Variants in COL5A2 observed in about 807,000 individuals in gnomAD.
The protein encoded by COL5A2 is collagen type V alpha 2 chain.
Under a neutral mutation model 208.2 loss-of-function variants are expected in COL5A2, and 23 were observed. That is an observed-to-expected ratio of 0.11 (90% CI 0.08 to 0.16). The LOEUF is 0.16. COL5A2 is among the 10% of genes least tolerant of loss of function. The probability of loss-of-function intolerance (pLI) is 1.00; values close to 1 mark genes in which losing one functional copy is unlikely to be tolerated. For synonymous variants in COL5A2, 625 were observed against 628.5 expected (o/e 0.99, Z 0.08); for missense variants, 1,590 against 1,956.4 (o/e 0.81, Z 3.53).
chr2:189,053,817 T>C (rs756947456), intron 37 of COL5A2, 78 bp downstream of exon 37: 4 of 1,236,586 alleles, frequency 3.2e-6, no homozygotes, highest in East Asian at 5.1e-5. Context: ...CATTGTTTTA[T>C]ATAAATATAA....
chr2:189,042,221 A>G (rs903283677), intron 49 of COL5A2, among the ~76,000 whole-genome samples: 1 of 152,190 alleles, frequency 6.6e-6, no homozygotes, highest in Non-Finnish European at 1.5e-5. Flanking sequence ...TATGCCATCA[A>G]TGACTTATTA....
chr2:189,357,723 C>T, the COL5A2 span, among the ~76,000 whole-genome samples: 4 of 136,420 alleles, frequency 2.9e-5, no homozygotes, highest in South Asian at 2.6e-4. Context: ...AGGGAGTGAA[C>T]GGTTCTGTCT....
the COL5A2 span, among the ~76,000 whole-genome samples, chr2:189,294,856 T>C: frequency 6.6e-6 from 1 of 152,186 alleles, no homozygotes; most frequent in African/African-American, 2.4e-5. Flanking sequence ...TGGAGTGCAG[T>C]GACACAGTCA....
chr2:189,209,926 A>G (rs1331145693), intron 1 of COL5A2, among the ~76,000 whole-genome samples: 1 of 152,192 alleles, frequency 6.6e-6, no homozygotes, highest in East Asian at 1.9e-4. Flanking sequence ...GGAGATAAAG[A>G]TTTCAGAGCC....
intron 29 of COL5A2, 134 bp from the exon 30 acceptor site, chr2:189,061,749 TA>T (rs1352889345): frequency 1.4e-6 from 1 of 725,608 alleles, no homozygotes; most frequent in Non-Finnish European, 2.4e-6. Context: ...AGCCAGGTAA[TA>T]AACTAGTATT....
At position 189,045,880 on chromosome 2, in the gene COL5A2, C is replaced by T. The variant is rs765030210; in HGVS notation, c.3229G>A (p.Gly1077Ser). 1 of 1,614,168 alleles carries T rather than the reference C, an allele frequency of 6.2e-7. No individual in the cohort carries two copies. Among genetic ancestry groups the T allele is most frequent in the Non-Finnish European group, 8.5e-7 (1 of 1,180,006 alleles). Residue 1077 changes from glycine to serine, a missense_variant, in exon 46 of 54, where the codon GGT (glycine) becomes AGT (serine). Transcript: ENST00000374866. ...RGDRGDPGPA[G>S]LPGSQGAPGT... ...GGGGCACCCTGAGAGCCTGGCAGAC[C>T]TGCAGGCCCAGGGTCTCCACGATCA...
the COL5A2 span, among the ~76,000 whole-genome samples, chr2:189,367,185 C>A: frequency 1.3e-5 from 2 of 152,070 alleles, no homozygotes; most frequent in Non-Finnish European, 2.9e-5. Context: ...TTACACAACC[C>A]ATACCCTAGG....
chr2:189,054,021 G>C, intron 36 of COL5A2, 73 bp from the exon 37 acceptor site: 2 of 1,472,318 alleles, frequency 1.4e-6, no homozygotes, highest in Non-Finnish European at 1.9e-6. Context: ...TGGTCACTGT[G>C]TAGGAGGAGA....
At chr2:189,134,609 A>G (rs1415997122) in intron 1 of COL5A2, among the ~76,000 whole-genome samples, 1 of 152,210 alleles carries the variant, frequency 6.6e-6, no homozygotes, top group African/African-American at 2.4e-5. Context: ...TTTAGAAAGT[A>G]CATCATTGTC....
At chr2:189,403,182 G>A in the COL5A2 span, among the ~76,000 whole-genome samples, 1 of 152,166 alleles carries the variant, frequency 6.6e-6, no homozygotes, top group Non-Finnish European at 1.5e-5. Flanking sequence ...GTTGTGAATG[G>A]GAGCTCATTC....
chr2:189,086,078 C>T (rs1056547946), intron 9 of COL5A2, among the ~76,000 whole-genome samples: 10 of 152,192 alleles, frequency 6.6e-5, no homozygotes, highest in Non-Finnish European at 1.3e-4. Flanking sequence ...TCAACATCAT[C>T]ATCATCACCA....
chr2:189,187,968 C>CAAAAAAAA (rs71020986), intron 1 of COL5A2, among the ~76,000 whole-genome samples: 20,561 of 138,990 alleles, frequency 0.15, 1,855 homozygotes, highest in Non-Finnish European at 0.2. Context: ...GACTCTGTCT[C>CAAAAAAAA]AAAAAAAAAA....
At chr2:189,174,210 T>G (rs772140767) in intron 1 of COL5A2, among the ~76,000 whole-genome samples, 22 of 152,134 alleles carry the variant, frequency 1.4e-4, no homozygotes, top group Non-Finnish European at 2.9e-4. Flanking sequence ...ATGAACACAA[T>G]GAATTTCAGG....
At chr2:189,233,506 A>G in the COL5A2 span, among the ~76,000 whole-genome samples, 9 of 151,820 alleles carry the variant, frequency 5.9e-5, no homozygotes, top group East Asian at 1.7e-3. Context: ...ATTAGATACT[A>G]TAGGATCGTT....
rs534457021 is a variant in COL5A2, at chr2:189,187,428, C to T, written c.-42+37720G>A. ...AGACAGAGTTTAAATGCTGGCCCCA[C>T]CACTTACTACCTGGGTCATGATGAA... is the stretch of plus-strand genomic sequence containing the variant. On this transcript the variant is annotated intron_variant, in intron 1 of 10. Coordinates refer to the COL5A2 transcript ENST00000649966. Among the ~76,000 whole-genome samples, 32 of 152,274 alleles carry T rather than the reference C, an allele frequency of 2.1e-4. No individual in the cohort carries two copies. The East Asian group carries it at 5.0e-3, about 24-fold the overall frequency.
the COL5A2 span, among the ~76,000 whole-genome samples, chr2:189,396,990 CAAA>C: frequency 9.4e-5 from 9 of 95,780 alleles, no homozygotes; most frequent in Non-Finnish European, 1.2e-4. Flanking sequence ...GACTCCGTCT[CAAA>C]AAAAAAAAAA....
At chr2:189,104,867 T>C (rs927905773) in intron 2 of COL5A2, among the ~76,000 whole-genome samples, 22 of 151,836 alleles carry the variant, frequency 1.4e-4, no homozygotes, top group African/African-American at 5.1e-4. Flanking sequence ...ACATAGTTCA[T>C]TAAATCTTAC....
chr2:189,184,252 G>A (rs905633263), upstream of COL5A2, among the ~76,000 whole-genome samples: 2 of 151,220 alleles, frequency 1.3e-5, no homozygotes, highest in African/African-American at 2.4e-5. Flanking sequence ...AAGCAACAGT[G>A]AACTTGAGAC....
intron 1 of COL5A2, among the ~76,000 whole-genome samples, chr2:189,169,474 T>G (rs190641909): frequency 6.6e-6 from 1 of 152,224 alleles, no homozygotes; most frequent in Non-Finnish European, 1.5e-5. Flanking sequence ...CAATATGGCC[T>G]TTTTATTTGA....
Sources: gnomAD v4.1 joint callset for allele counts (sites outside exome capture counted in the v4.1 genomes callset) on GRCh38, gnomAD v4.1.1 for gene constraint, MANE v1.5 for transcripts, NCBI Gene and HGNC (gene_info 2026-07-23, HGNC 2026-07-21) for gene names.